KIRREL3: variants seen among roughly 807,000 people sequenced by gnomAD.
The protein encoded by KIRREL3 is kirre like nephrin family adhesion molecule 3.
KIRREL3 carries 36 observed loss-of-function variants against 89.7 expected under a neutral mutation model. The observed-to-expected ratio is 0.40, with a 90% CI of 0.31 to 0.53. The LOEUF (loss-of-function observed/expected upper bound fraction) is 0.53, where lower values mean the gene tolerates loss of function less well. Among genes scored for constraint, KIRREL3 ranks in the 20% least tolerant of loss-of-function variants. KIRREL3 has a pLI of 0.49. For missense variants in KIRREL3, 864 were observed against 1,056.6 expected, an observed-to-expected ratio of 0.82 and a Z score of 2.53; for synonymous variants, 445 against 441.4, an observed-to-expected ratio of 1.01 and a Z score of -0.10.
In KIRREL3 at chr11:126,430,850, C is replaced by A; in HGVS notation, c.1696+569G>T. ...ATTGTCTTCACCTGTTCTCTGCCAT[C>A]CAATCTCTCACACGTTATCTCCTCG... On this transcript the variant is annotated intron_variant, in intron 14 of 16. Transcript: ENST00000525144. The surrounding 1 kb of genome is among the most constrained non-coding windows in gnomAD (Gnocchi z 6.6). 1 of 421,894 alleles carries A rather than the reference C, an allele frequency of 2.4e-6. No homozygotes were observed. The highest frequency in any genetic ancestry group is 3.2e-6 in the Non-Finnish European group (1 of 312,758). 26.1% of individuals were successfully genotyped at this position (421,894 alleles called of 1,614,324 possible). A position where few individuals can be genotyped will look rare whatever the true frequency, so the allele number is the denominator to read the frequency against.
rs999710197 is a variant in KIRREL3, at chr11:126,724,347, G to A, written c.56-161435C>T. Among the ~76,000 whole-genome samples the A allele has an allele frequency of 1.3e-5, 2 of 152,116 alleles. No homozygotes were observed. The highest frequency in any genetic ancestry group is 2.9e-5 in the Non-Finnish European group (2 of 68,032). On this transcript the variant is annotated intron_variant, in intron 1 of 16. Coordinates refer to ENST00000525144, the MANE Select transcript of KIRREL3 (RefSeq NM_032531.4). This position sits in a 1 kb window ranked among gnomAD's most constrained non-coding sequence, Gnocchi z 4.3. The stretch of plus-strand genomic sequence containing the variant: ...AAGACAGGCCCCAACTAGTACACAC[G>A]CAGATCCATGCACACCCACACACAT...
intron 1 of KIRREL3, among the ~76,000 whole-genome samples, chr11:126,829,333 A>G (rs1314465261): frequency 6.6e-6 from 1 of 152,242 alleles, no homozygotes; most frequent in Non-Finnish European, 1.5e-5. Flanking sequence ...AGACAAGGAA[A>G]TAGATGTGAA....
rs1427311378 is a variant in KIRREL3 at position 126,952,079 on chromosome 11, AGGGCTTAAGAATAAATAGAGTTTTGGCT to A, written c.55+48348_55+48375del. On this transcript the variant is annotated intron_variant, in intron 1 of 16. Transcript: ENST00000525144. ...AAAGAGAGGAGATAGAGGAAAAATG[AGGGCTTAAGAATAAATAGAGTTTTGGCT>A]GGGCACGGTGGCTTACGCCTCTAAT... is the stretch of plus-strand genomic sequence containing the variant. Among the ~76,000 whole-genome samples, 3 of 152,346 alleles carry A rather than the reference AGGGCTTAAGAATAAATAGAGTTTTGGCT, an allele frequency of 2.0e-5. No individual in the cohort carries two copies. The East Asian group carries it at 5.8e-4, about 29-fold the overall frequency.
At chr11:126,619,882 C>T (rs746435887) in intron 1 of KIRREL3, among the ~76,000 whole-genome samples, 1 of 152,194 alleles carries the variant, frequency 6.6e-6, no homozygotes, top group Non-Finnish European at 1.5e-5. Flanking sequence ...GGAACTGACC[C>T]AGCACAGGCA....
chr11:126,699,010 C>G (rs144042508), intron 1 of KIRREL3, among the ~76,000 whole-genome samples: 1,616 of 152,300 alleles, frequency 0.011, 19 homozygotes, highest in Middle Eastern at 0.02. Context: ...AAATCACATC[C>G]CAGCTCTTCT....
intron 1 of KIRREL3, among the ~76,000 whole-genome samples, chr11:126,753,782 C>A (rs756652701): frequency 3.3e-5 from 5 of 152,166 alleles, no homozygotes; most frequent in African/African-American, 4.8e-5. Context: ...GTCTCCTTAC[C>A]TAGAAAATGG....
rs1311672935 is a variant in KIRREL3 at position 126,594,672 on chromosome 11, C to A, written c.56-31760G>T. ...GCCGCAGCAGAAACTATCTCTAAGG[C>A]CAGCTCTTAAATTCTCTAACCCATG... On this transcript the variant is annotated intron_variant, in intron 1 of 16. Coordinates refer to ENST00000525144, the MANE Select transcript of KIRREL3 (RefSeq NM_032531.4). The surrounding 1 kb of genome is among the most constrained non-coding windows in gnomAD (Gnocchi z 5.0). 6.6e-6 allele frequency among the ~76,000 whole-genome samples: 1 copy of A among 151,556 alleles called. No homozygotes were observed. Among genetic ancestry groups the A allele is most frequent in the Non-Finnish European group, 1.5e-5 (1 of 68,026 alleles).
chr11:126,923,129 C>CTCCTCCTTCT lies in KIRREL3; in HGVS notation c.55+77325_55+77326insAGAAGGAGGA, dbSNP rs1246765425. 1.1e-3 allele frequency among the ~76,000 whole-genome samples: 28 copies of CTCCTCCTTCT among 25,740 alleles called. 6 individuals carry two copies. Among genetic ancestry groups the CTCCTCCTTCT allele is most frequent in the South Asian group, 1.6e-3 (1 of 642 alleles). 16.9% of individuals were successfully genotyped at this position (25,740 alleles called of 152,430 possible). Reference sequence around the variant, plus strand: ...CCTTCTCCTTCTCCTTCTCCTTCTTCTCTTCTTCTTCTTCTTCTTCTTCTT... The same window carrying CTCCTCCTTCT: ...CCTTCTCCTTCTCCTTCTCCTTCTTCTCCTCCTTCTTCTTCTTCTTCTTCTTCTTCTTCTT... On this transcript the variant is annotated intron_variant, in intron 1 of 16. Coordinates refer to ENST00000525144, the MANE Select transcript of KIRREL3 (RefSeq NM_032531.4).
chr11:126,850,021 A>T (rs1455206251), intron 1 of KIRREL3, among the ~76,000 whole-genome samples: 14 of 152,212 alleles, frequency 9.2e-5, no homozygotes, highest in Non-Finnish European at 1.9e-4. Flanking sequence ...TAAGAGTTGA[A>T]CCATAATCAC....
At chr11:126,922,121 G>GTCTGTCTGTCTA (rs61078651) in intron 1 of KIRREL3, among the ~76,000 whole-genome samples, 2,888 of 140,012 alleles carry the variant, frequency 0.021, 47 homozygotes, top group East Asian at 0.075. Flanking sequence ...CTATCTGTCT[G>GTCTGTCTGTCTA]TCTATCTATC....
In KIRREL3 at chr11:126,694,360, G is replaced by A. The variant is rs890979653; in HGVS notation, c.56-131448C>T. On this transcript the variant is annotated intron_variant, in intron 1 of 16. Transcript: ENST00000525144. The surrounding 1 kb of genome is among the most constrained non-coding windows in gnomAD (Gnocchi z 4.4). ...CATTGTATCCTAGTGAGCGTGCACC[G>A]GAGTTGTGTCTCCCCTGGCTGTGGG... 3.9e-5 allele frequency among the ~76,000 whole-genome samples: 6 copies of A among 152,264 alleles called. No individual in the cohort carries two copies. The highest frequency in any genetic ancestry group is 3.9e-4 in the East Asian group (2 of 5,184).
chr11:126,994,196 C>T lies in KIRREL3; in HGVS notation c.55+6259G>A, dbSNP rs11220692. On this transcript the variant is annotated intron_variant, in intron 1 of 16. Coordinates refer to ENST00000525144, the MANE Select transcript of KIRREL3 (RefSeq NM_032531.4). The surrounding 1 kb of genome is among the most constrained non-coding windows in gnomAD (Gnocchi z 5.2). ...CTGATTTAACATTAAGTGGTGTGTGCGTGTGTGTGTGTGTATGTGTTCAGT... is the reference window on the plus strand; with the variant it reads ...CTGATTTAACATTAAGTGGTGTGTGTGTGTGTGTGTGTGTATGTGTTCAGT... Among the ~76,000 whole-genome samples the T allele has an allele frequency of 2.2e-4, 34 of 151,352 alleles. No homozygotes were observed. The highest frequency in any genetic ancestry group is 4.2e-4 in the South Asian group (2 of 4,758).
rs911980699 is a variant in KIRREL3, at chr11:126,635,904, C to G, written c.56-72992G>C. ...CATTCCCAATATGAAAATAACAAAC[C>G]ATTCTAGGGAACAACTTGGTTATTT... On this transcript the variant is annotated intron_variant, in intron 1 of 16. Transcript: ENST00000525144. The surrounding 1 kb of genome is among the most constrained non-coding windows in gnomAD (Gnocchi z 4.0). 2.6e-5 allele frequency among the ~76,000 whole-genome samples: 4 copies of G among 152,162 alleles called. No homozygotes were observed. Among genetic ancestry groups the G allele is most frequent in the Non-Finnish European group, 5.9e-5 (4 of 68,032 alleles).
upstream of KIRREL3, chr11:127,003,120 G>T (rs966575535): frequency 7.2e-6 from 1 of 139,834 alleles, no homozygotes; most frequent in Admixed American, 7.1e-5. Context: ...CAGAAAGAAA[G>T]AAAAAAAAAA....
rs938287296 is a variant in KIRREL3 at position 126,587,345 on chromosome 11, C to T, written c.56-24433G>A. ...TCCGGTGATGGCATGTTTGGTCTGG[C>T]CTGGAGCAGAGCTGCAGGGGAAGCT... On this transcript the variant is annotated intron_variant, in intron 1 of 16. Coordinates refer to ENST00000525144, the MANE Select transcript of KIRREL3 (RefSeq NM_032531.4). The surrounding 1 kb of genome is among the most constrained non-coding windows in gnomAD (Gnocchi z 5.2). Among the ~76,000 whole-genome samples, 1 of 152,122 alleles carries T rather than the reference C, an allele frequency of 6.6e-6. No individual in the cohort carries two copies. Among genetic ancestry groups the T allele is most frequent in the South Asian group, 2.1e-4 (1 of 4,812 alleles).
At chr11:126,722,713 G>A (rs1451674565) in intron 1 of KIRREL3, among the ~76,000 whole-genome samples, 1 of 152,210 alleles carries the variant, frequency 6.6e-6, no homozygotes, top group East Asian at 1.9e-4. Flanking sequence ...TGCATGTCAT[G>A]TACTTTATGT....
At chr11:126,444,165 C>T (rs1369605778) in intron 10 of KIRREL3, among the ~76,000 whole-genome samples, 14 of 152,154 alleles carry the variant, frequency 9.2e-5, no homozygotes, top group Non-Finnish European at 1.6e-4. Context: ...TAACTCCCAC[C>T]GTGAAAATAC....
chr11:126,747,640 G>A lies in KIRREL3; in HGVS notation c.56-184728C>T, dbSNP rs759691614. On this transcript the variant is annotated intron_variant, in intron 1 of 16. Transcript: ENST00000525144. This position sits in a 1 kb window ranked among gnomAD's most constrained non-coding sequence, Gnocchi z 4.7. ...TTAGGAACCTGGTATAACTGAGAGC[G>A]CATCTCCCTTGAGTTCCTTGAGACT... Among the ~76,000 whole-genome samples the A allele has an allele frequency of 2.0e-5, 3 of 152,020 alleles. No individual in the cohort carries two copies. Among genetic ancestry groups the A allele is most frequent in the Middle Eastern group, 3.2e-3 (1 of 316 alleles).
Position 126,563,359 on chromosome 11 carries a change from C to T in KIRREL3, c.56-447G>A, listed in dbSNP as rs79694856. ...AGGGATGATGCAGAATCTATCCAGT[C>T]GTGTCTAGGATGGAACAGTGCAACC... On this transcript the variant is annotated intron_variant, in intron 1 of 16. Transcript: ENST00000525144. This position sits in a 1 kb window ranked among gnomAD's most constrained non-coding sequence, Gnocchi z 6.8. 1.2e-3 allele frequency among the ~76,000 whole-genome samples: 177 copies of T among 152,246 alleles called. 1 individual carries two copies. Among genetic ancestry groups the T allele is most frequent in the Middle Eastern group, 6.8e-3 (2 of 294 alleles).
Sources: gnomAD v4.1 joint callset for allele counts (sites outside exome capture counted in the v4.1 genomes callset) on GRCh38, gnomAD v4.1.1 for gene constraint, Gnocchi (gnomAD v3.1) non-coding constraint, MANE v1.5 for transcripts, NCBI Gene and HGNC (gene_info 2026-07-23, HGNC 2026-07-21) for gene names.